Variants in SLC12A3 observed in about 807,000 individuals in gnomAD.
SLC12A3 encodes Na-Cl cotransporter.
In SLC12A3, 104 loss-of-function variants were observed where a neutral mutation model predicts 121.0. That is an observed-to-expected ratio of 0.86 (90% CI 0.73 to 1.01). The LOEUF is 1.01. SLC12A3 is among the 50% of genes least tolerant of loss of function. The probability of loss-of-function intolerance (pLI) is 0.00; values close to 1 mark genes in which losing one functional copy is unlikely to be tolerated. For synonymous variants in SLC12A3, 536 were observed against 533.4 expected (o/e 1.00, Z -0.07); for missense variants, 1,328 against 1,356.3 (o/e 0.98, Z 0.33).
Position 56,878,069 on chromosome 16 carries a change from T to TCCCTCCCTCCCTCTCTC in SLC12A3, c.1096-6_1096-5insCTCCCTCCCTCTCTCCC, listed in dbSNP as rs2055189224. On this transcript the variant is annotated splice_polypyrimidine_tract_variant and splice_region_variant and intron_variant, in intron 8 of 25. Transcript: ENST00000563236. ...CTCCCTCCCTCCCTCTCTCCCTCCCTCCTTCAGGACCCTGCTATAGCCATC... is the reference window on the plus strand; with the variant it reads ...CTCCCTCCCTCCCTCTCTCCCTCCCTCCCTCCCTCCCTCTCTCCCTTCAGGACCCTGCTATAGCCATC... 1 of 578,548 alleles carries TCCCTCCCTCCCTCTCTC rather than the reference T, an allele frequency of 1.7e-6. No individual in the cohort carries two copies. The highest frequency in any genetic ancestry group is 3.1e-5 in the African/African-American group (1 of 32,348). The allele number at this position is 578,548 out of a possible 1,614,324, so 35.8% of individuals were successfully genotyped here. A position where few individuals can be genotyped will look rare whatever the true frequency, so the allele number is the denominator to read the frequency against.
At chr16:56,892,658 G>A (rs925642439) in intron 20 of SLC12A3, among the ~76,000 whole-genome samples, 1 of 152,134 alleles carries the variant, frequency 6.6e-6, no homozygotes, top group Non-Finnish European at 1.5e-5. Context: ...GGGCTGCTGT[G>A]GGCATTTGTG....
intron 1 of SLC12A3, among the ~76,000 whole-genome samples, chr16:56,865,986 CTTTTCTTTTTT>C (rs1964344884): frequency 1.1e-5 from 1 of 94,970 alleles, no homozygotes; most frequent in South Asian, 3.9e-4. Context: ...CTTTTCTTTT[CTTTTCTTTTTT>C]TTTTTTGAGA....
intron 21 of SLC12A3, among the ~76,000 whole-genome samples, chr16:56,893,294 T>G (rs1183158519): frequency 3.9e-5 from 6 of 152,296 alleles, no homozygotes; most frequent in African/African-American, 1.4e-4. Flanking sequence ...TGGATGGCCC[T>G]TAGGGGCACA....
intron 17 of SLC12A3, among the ~76,000 whole-genome samples, chr16:56,887,559 G>A (rs537342415): frequency 9.7e-4 from 147 of 151,422 alleles, no homozygotes; most frequent in Non-Finnish European, 1.4e-3. Context: ...GCACTTTCTC[G>A]GAATGCCCAG....
In SLC12A3 at chr16:56,879,225, C is replaced by A; in HGVS notation, c.1333C>A (p.Gln445Lys). ...SCHYGLINYYQTMSMVSGFAP... is the reference protein window; with the variant it reads ...SCHYGLINYYKTMSMVSGFAP... ...CCACTACGGCCTCATCAACTATTACCAGGTACTGCCAGGAGAGCTGACCCA... is the reference window on the plus strand; with the variant it reads ...CCACTACGGCCTCATCAACTATTACAAGGTACTGCCAGGAGAGCTGACCCA... Residue 445 changes from glutamine to lysine, a missense_variant and splice_region_variant, in exon 10 of 26, where the codon CAG (glutamine) becomes AAG (lysine). Gln to Lys is a moderately conservative substitution (Grantham distance 53). Coordinates refer to ENST00000563236, the MANE Select transcript of SLC12A3 (RefSeq NM_001126108.2). 6.2e-7 allele frequency: 1 copy of A among 1,613,908 alleles called. No individual in the cohort carries two copies. Among genetic ancestry groups the A allele is most frequent in the South Asian group, 1.1e-5 (1 of 91,082 alleles).
At position 56,869,838 on chromosome 16, in the gene SLC12A3, CT is replaced by C; in HGVS notation, c.601+17del. 1 of 1,610,378 alleles carries C rather than the reference CT, an allele frequency of 6.2e-7. No homozygotes were observed. Among genetic ancestry groups the C allele is most frequent in the South Asian group, 1.1e-5 (1 of 90,952 alleles). On this transcript the variant is annotated intron_variant, in intron 4 of 25. Transcript: ENST00000563236. ...AGGTCAAGTCAGGTGGGCCATCCCCCTTTCCACCAAGGCCCTCCTCTCGTGG... is the reference window on the plus strand; with the variant it reads ...AGGTCAAGTCAGGTGGGCCATCCCCCTTCCACCAAGGCCCTCCTCTCGTGG...
chr16:56,887,772 T>TTTTATATATATATATATATATATATA lies in SLC12A3; in HGVS notation c.2179-152_2179-151insTTATATATATATATATATATATATAT, dbSNP rs796502149. Reference sequence around the variant, plus strand: ...TTGTGCAAAACAAAAATTTTTAAGATTATATATATATATATATATATATAT... The same window carrying TTTTATATATATATATATATATATATA: ...TTGTGCAAAACAAAAATTTTTAAGATTTTATATATATATATATATATATATATATATATATATATATATATATATAT... On this transcript the variant is annotated intron_variant, in intron 17 of 25. Coordinates refer to ENST00000563236, the MANE Select transcript of SLC12A3 (RefSeq NM_001126108.2). Among the ~76,000 whole-genome samples, 14 of 59,958 alleles carry TTTTATATATATATATATATATATATA rather than the reference T, an allele frequency of 2.3e-4. 2 individuals are homozygous for TTTTATATATATATATATATATATATA. Among genetic ancestry groups the TTTTATATATATATATATATATATATA allele is most frequent in the East Asian group, 8.3e-4 (2 of 2,420 alleles). The allele number at this position is 59,958 out of a possible 152,430, so 39.3% of individuals were successfully genotyped here.
intron 25 of SLC12A3, among the ~76,000 whole-genome samples, chr16:56,909,343 A>C (rs2144784093): frequency 6.6e-6 from 1 of 151,220 alleles, no homozygotes; most frequent in Middle Eastern, 3.4e-3. Flanking sequence ...TCAGTCTCTC[A>C]GTCTCTTAAG....
rs984889052 is a variant in SLC12A3 at position 56,908,418 on chromosome 16, T to C, written c.2924+3956T>C. 6.2e-3 allele frequency among the ~76,000 whole-genome samples: 941 copies of C among 152,272 alleles called. 13 individuals carry two copies. The highest frequency in any genetic ancestry group is 0.021 in the African/African-American group (891 of 41,534). On this transcript the variant is annotated intron_variant, in intron 25 of 25. Coordinates refer to ENST00000563236, the MANE Select transcript of SLC12A3 (RefSeq NM_001126108.2). ...CCTCAGCCTCCCAAAGTGCTGGGAT[T>C]ACAGGCGTGAGCCACGGTGCCCAGC...
chr16:56,885,503 A>T, intron 15 of SLC12A3, 139 bp downstream of exon 15: 1 of 701,738 alleles, frequency 1.4e-6, no homozygotes, highest in South Asian at 1.5e-5. Flanking sequence ...GGGAACAGAC[A>T]TGGAGGAGCC....
Position 56,893,110 on chromosome 16 carries a change from TCTTC to T in SLC12A3, c.2521+65_2521+68del, listed in dbSNP as rs1282060401. ...CCCGGCGGGGGCGGGGTGGTGGTGGTCTTCCTTCCTTCTCCTTCCTGGCCTGCTC... is the reference window on the plus strand; with the variant it reads ...CCCGGCGGGGGCGGGGTGGTGGTGGTCTTCCTTCTCCTTCCTGGCCTGCTC... On this transcript the variant is annotated intron_variant, in intron 21 of 25. Transcript: ENST00000563236. 32 of 1,402,164 alleles carry T rather than the reference TCTTC, an allele frequency of 2.3e-5. No individual in the cohort carries two copies. In the Admixed American group the frequency reaches 5.3e-4, roughly 23 times the overall value. 86.9% of individuals were successfully genotyped at this position (1,402,164 alleles called of 1,614,324 possible). A position where few individuals can be genotyped will look rare whatever the true frequency, so the allele number is the denominator to read the frequency against.
At chr16:56,894,684 G>C (rs1431931516) in intron 22 of SLC12A3, 42 bp downstream of exon 22, 2 of 1,473,852 alleles carry the variant, frequency 1.4e-6, no homozygotes, top group African/African-American at 1.4e-5. Flanking sequence ...GCAGGGACCA[G>C]TGTCATCTTA....
chr16:56,882,810 C>T (rs763914060), intron 13 of SLC12A3, among the ~76,000 whole-genome samples: 41 of 151,742 alleles, frequency 2.7e-4, no homozygotes, highest in Admixed American at 1.6e-3. Context: ...GATGTGGTAG[C>T]GGTCACCTGT....
chr16:56,902,531 G>GAGCC, intron 24 of SLC12A3, 23 bp downstream of exon 24: 1 of 714,564 alleles, frequency 1.4e-6, no homozygotes. Flanking sequence ...GTGGGGGTGG[G>GAGCC]AAACGCGACA....
Position 56,910,811 on chromosome 16 carries a change from A to C in SLC12A3, c.2925-2453A>C, listed in dbSNP as rs185628030. Among the ~76,000 whole-genome samples the C allele has an allele frequency of 2.0e-5, 3 of 152,378 alleles. No individual in the cohort carries two copies. In the East Asian group the frequency reaches 5.8e-4, roughly 29 times the overall value. ...GTCTTTCACATCTAGGTTAGATCTG[A>C]AGTCGCCTTTCTTTGTGGCTAAGAG... On this transcript the variant is annotated intron_variant, in intron 25 of 25. Coordinates refer to ENST00000563236, the MANE Select transcript of SLC12A3 (RefSeq NM_001126108.2).
At chr16:56,899,673 C>G in intron 23 of SLC12A3, 57 bp downstream of exon 23, 1 of 1,238,446 alleles carries the variant, frequency 8.1e-7, no homozygotes, top group Non-Finnish European at 1.2e-6. Context: ...CTGGAGACCC[C>G]TCTGCCGGCT....
intron 8 of SLC12A3, among the ~76,000 whole-genome samples, chr16:56,873,374 CTTTTTTTTTTTTTTTTT>C (rs59478629): frequency 5.3e-5 from 4 of 75,374 alleles, no homozygotes; most frequent in African/African-American, 1.6e-4. Context: ...CTCTTTCTTT[CTTTTTTTTTTTTTTTTT>C]TTTTTTTTTT....
intron 2 of SLC12A3, among the ~76,000 whole-genome samples, 191 bp downstream of exon 2, chr16:56,867,407 G>A (rs1964383916): frequency 6.6e-6 from 1 of 152,218 alleles, no homozygotes. Context: ...AAGAAACTGT[G>A]TTTCCCTAAA....
intron 1 of SLC12A3, among the ~76,000 whole-genome samples, 177 bp from the exon 2 acceptor site, chr16:56,866,893 C>A (rs1964367637): frequency 6.6e-6 from 1 of 152,240 alleles, no homozygotes; most frequent in Non-Finnish European, 1.5e-5. Flanking sequence ...CAGGCGTGAG[C>A]CACTGCTCCT....
Sources: gnomAD v4.1 joint callset for allele counts (sites outside exome capture counted in the v4.1 genomes callset) on GRCh38, gnomAD v4.1.1 for gene constraint, MANE v1.5 for transcripts, NCBI Gene and HGNC (gene_info 2026-07-23, HGNC 2026-07-21) for gene names.